Variants in CACNB2 observed in about 807,000 individuals in gnomAD.
CACNB2 encodes the protein calcium voltage-gated channel auxiliary subunit beta 2, also known as voltage-dependent L-type calcium channel subunit beta-2.
CACNB2 carries 42 observed loss-of-function variants against 73.3 expected under a neutral mutation model. The ratio of observed to expected loss-of-function variants is 0.57; its 90% CI spans 0.45 to 0.74. The LOEUF is 0.74. Ranked by LOEUF, CACNB2 falls within the 30% of genes least tolerant of loss-of-function variation. The pLI is 0.00. For synonymous variants in CACNB2, 348 were observed against 310.3 expected (o/e 1.12, Z -1.28); for missense variants, 940 against 853.0 (o/e 1.10, Z -1.27).
At chr10:18,333,133 C>G (rs1427208049) in intron 2 of CACNB2, among the ~76,000 whole-genome samples, 13 of 152,100 alleles carry the variant, frequency 8.5e-5, no homozygotes, top group Non-Finnish European at 1.8e-4. Flanking sequence ...GTATCTCATT[C>G]AGCGATAGGG....
chr10:18,489,244 A>G (rs906490390), intron 3 of CACNB2, among the ~76,000 whole-genome samples: 4 of 151,806 alleles, frequency 2.6e-5, no homozygotes, highest in African/African-American at 9.7e-5. Flanking sequence ...CAAAAAATTA[A>G]CTGGACATGG....
intron 2 of CACNB2, among the ~76,000 whole-genome samples, chr10:18,211,194 T>C (rs2035302663): frequency 6.6e-6 from 1 of 151,836 alleles, no homozygotes; most frequent in Admixed American, 6.6e-5. Flanking sequence ...AACAGAGGGG[T>C]AGAGAAAGAG....
intron 2 of CACNB2, among the ~76,000 whole-genome samples, chr10:18,177,431 C>T (rs1323062304): frequency 6.8e-6 from 1 of 147,276 alleles, no homozygotes; most frequent in Non-Finnish European, 1.5e-5. Context: ...ACCAGCCTGG[C>T]CAACGTGGTG....
chr10:18,461,426 A>G (rs951272924), intron 3 of CACNB2, among the ~76,000 whole-genome samples: 1 of 152,086 alleles, frequency 6.6e-6, no homozygotes, highest in Non-Finnish European at 1.5e-5. Context: ...GTTCCTTTCA[A>G]ATCCAGTGTT....
intron 2 of CACNB2, among the ~76,000 whole-genome samples, chr10:18,315,620 G>C (rs1290467742): frequency 6.7e-6 from 1 of 148,484 alleles, no homozygotes; most frequent in Admixed American, 6.9e-5. Context: ...CTTGAGCACA[G>C]AGGTTCAAGG....
At chr10:18,518,227 T>G (rs1483368366) in intron 7 of CACNB2, 109 bp from the exon 8 acceptor site, 1 of 802,174 alleles carries the variant, frequency 1.2e-6, no homozygotes, top group Admixed American at 1.7e-5. Context: ...ATAAAATGTC[T>G]GGAAAGCCAG....
chr10:18,149,129 C>A (rs975437087), intron 1 of CACNB2, among the ~76,000 whole-genome samples: 1 of 151,894 alleles, frequency 6.6e-6, no homozygotes, highest in Non-Finnish European at 1.5e-5. Flanking sequence ...AAGAAACAGG[C>A]CTTAAAAATA....
rs143765950 is a variant in CACNB2, at chr10:18,403,705, G to A, written c.333+1662G>A. 8.4e-4 allele frequency among the ~76,000 whole-genome samples: 128 copies of A among 152,222 alleles called. 3 individuals carry two copies. Among genetic ancestry groups the A allele is most frequent in the Admixed American group, 6.2e-3 (95 of 15,294 alleles). Reference sequence around the variant, plus strand: ...GTTGCTCCTAAATCAAACCAGGGTCGTGTTACTTGTCCTACAGCCTAAAAA... The same window carrying A: ...GTTGCTCCTAAATCAAACCAGGGTCATGTTACTTGTCCTACAGCCTAAAAA... On this transcript the variant is annotated intron_variant, in intron 3 of 13. Coordinates refer to ENST00000324631, the MANE Select transcript of CACNB2 (RefSeq NM_201596.3).
intron 2 of CACNB2, among the ~76,000 whole-genome samples, chr10:18,153,870 C>A (rs2031812873): frequency 7.0e-6 from 1 of 143,858 alleles, no homozygotes; most frequent in Admixed American, 7.1e-5. Flanking sequence ...GCATGAGCAA[C>A]CATGCCCGGC....
At chr10:18,518,487 C>A in intron 8 of CACNB2, 71 bp downstream of exon 8, 1 of 1,039,364 alleles carries the variant, frequency 9.6e-7, no homozygotes, top group Non-Finnish European at 1.5e-6. Flanking sequence ...CTCCTACTCC[C>A]GACCCTCTCT....
At chr10:18,441,514 T>C (rs1248179462) in intron 3 of CACNB2, among the ~76,000 whole-genome samples, 1 of 152,258 alleles carries the variant, frequency 6.6e-6, no homozygotes. Context: ...CTTTTTCTTT[T>C]TGTTACTACA....
intron 3 of CACNB2, among the ~76,000 whole-genome samples, chr10:18,464,418 T>TTAAAAAAAAAAAAAAA (rs1360690647): frequency 0.04 from 3,358 of 84,868 alleles, 382 homozygotes; most frequent in African/African-American, 0.054. Context: ...TCTCAAAAAT[T>TTAAAAAAAAAAAAAAA]AAAAAAAAAA....
chr10:18,243,378 A>T (rs1308254224), intron 2 of CACNB2, among the ~76,000 whole-genome samples: 2 of 152,148 alleles, frequency 1.3e-5, no homozygotes, highest in East Asian at 3.9e-4. Flanking sequence ...GGGTAGGGTC[A>T]CCCTGGCTGT....
chr10:18,141,356 G>GCA, intron 1 of CACNB2: 1 of 791,502 alleles, frequency 1.3e-6, no homozygotes, highest in Non-Finnish European at 2.1e-6. Context: ...GCGAATATGG[G>GCA]GGTGCCCTGC....
In CACNB2 at chr10:18,204,298, A is replaced by G. The variant is rs539840727; in HGVS notation, c.213+53323A>G. 3.9e-4 allele frequency among the ~76,000 whole-genome samples: 60 copies of G among 152,342 alleles called. 1 individual carries two copies. The highest frequency in any genetic ancestry group is 1.4e-3 in the African/African-American group (59 of 41,580). Reference sequence around the variant, plus strand: ...TTATGCTTTTCATGACTGACCTTATAATGAAACATATTGATTATACATTAA... The same window carrying G: ...TTATGCTTTTCATGACTGACCTTATGATGAAACATATTGATTATACATTAA... On this transcript the variant is annotated intron_variant, in intron 2 of 13. Coordinates refer to ENST00000324631, the MANE Select transcript of CACNB2 (RefSeq NM_201596.3).
intron 2 of CACNB2, among the ~76,000 whole-genome samples, chr10:18,173,869 C>T (rs983764356): frequency 2.6e-5 from 4 of 152,094 alleles, no homozygotes; most frequent in Admixed American, 6.5e-5. Context: ...TTAGATTTTA[C>T]GTTTCTATAA....
At chr10:18,485,062 A>G (rs2132878994) in intron 3 of CACNB2, among the ~76,000 whole-genome samples, 1 of 152,254 alleles carries the variant, frequency 6.6e-6, no homozygotes. Flanking sequence ...GGATCATTTG[A>G]GCATGGAATG....
At chr10:18,320,267 G>A (rs1406343132) in intron 2 of CACNB2, among the ~76,000 whole-genome samples, 1 of 152,172 alleles carries the variant, frequency 6.6e-6, no homozygotes, top group African/African-American at 2.4e-5. Flanking sequence ...AGCACAGGGA[G>A]CTTTTGTCTT....
At chr10:18,182,835 AC>A (rs1435785691) in intron 2 of CACNB2, among the ~76,000 whole-genome samples, 23 of 150,282 alleles carry the variant, frequency 1.5e-4, no homozygotes, top group Admixed American at 1.5e-3. Flanking sequence ...AAAAAAAAAA[AC>A]AAAAACCCAT....
Sources: allele counts gnomAD v4.1 joint callset (sites outside exome capture counted in the v4.1 genomes callset), GRCh38; gene constraint gnomAD v4.1.1; transcripts MANE v1.5; gene names NCBI Gene and HGNC (gene_info 2026-07-23, HGNC 2026-07-21).